NAV2: variants seen among roughly 807,000 people sequenced by gnomAD.
NAV2 encodes the protein neuron navigator 2.
A neutral mutation model predicts 223.2 loss-of-function variants in NAV2; 54 were observed. That is an observed-to-expected ratio of 0.24 (90% CI 0.19 to 0.30). The LOEUF (loss-of-function observed/expected upper bound fraction) is 0.30, where lower values mean the gene tolerates loss of function less well. Among genes scored for constraint, NAV2 ranks in the 10% least tolerant of loss-of-function variants. NAV2 has a pLI of 1.00. For missense variants in NAV2, 2,806 were observed against 3,147.5 expected (o/e 0.89, Z 2.60); for synonymous variants, 1,279 against 1,239.3 (o/e 1.03, Z -0.67).
At chr11:19,554,730 GC>G (rs2044810722) in intron 1 of NAV2, among the ~76,000 whole-genome samples, 1 of 152,134 alleles carries the variant, frequency 6.6e-6, no homozygotes, top group Non-Finnish European at 1.5e-5. Flanking sequence ...ACTTTGGGAG[GC>G]CGAGGCGGGC....
chr11:19,990,946 G>T (rs1035267022), intron 11 of NAV2, among the ~76,000 whole-genome samples: 3 of 152,048 alleles, frequency 2.0e-5, no homozygotes, highest in African/African-American at 7.2e-5. Flanking sequence ...GAGTTTTGCT[G>T]TAAACATGCC....
At chr11:19,551,989 C>A (rs1399369401) in intron 1 of NAV2, among the ~76,000 whole-genome samples, 1 of 151,998 alleles carries the variant, frequency 6.6e-6, no homozygotes, top group Non-Finnish European at 1.5e-5. Flanking sequence ...GGTCTTGGGG[C>A]TTCTGAGGCC....
chr11:19,605,269 C>G lies in NAV2; in HGVS notation c.76-227215C>G, dbSNP rs78123841. Reference sequence around the variant, plus strand: ...TCTGATGTGCCTCCATCCAGCTGCCCCTTCAACCCTCAAACTCATCTAGAT... The same window carrying G: ...TCTGATGTGCCTCCATCCAGCTGCCGCTTCAACCCTCAAACTCATCTAGAT... On this transcript the variant is annotated intron_variant, in intron 1 of 37. Transcript: ENST00000360655. Among the ~76,000 whole-genome samples the G allele has an allele frequency of 3.4e-3, 524 of 152,154 alleles. 2 individuals carry two copies. Among genetic ancestry groups the G allele is most frequent in the African/African-American group, 0.012 (504 of 41,512 alleles).
chr11:20,084,770 C>G (rs2060313462), intron 26 of NAV2, among the ~76,000 whole-genome samples: 1 of 152,194 alleles, frequency 6.6e-6, no homozygotes, highest in Non-Finnish European at 1.5e-5. Context: ...AGCATCCCAA[C>G]TCAGTTGTCT....
At chr11:19,524,413 T>A (rs1196465410) in intron 1 of NAV2, among the ~76,000 whole-genome samples, 1 of 152,248 alleles carries the variant, frequency 6.6e-6, no homozygotes, top group Non-Finnish European at 1.5e-5. Context: ...GTGCGTTTCG[T>A]GCCTCCAGTT....
At chr11:20,019,181 G>A (rs545455814) in intron 11 of NAV2, among the ~76,000 whole-genome samples, 26 of 152,264 alleles carry the variant, frequency 1.7e-4, no homozygotes, top group African/African-American at 6.3e-4. Context: ...AAGGCTGAGC[G>A]ACCCGGGAGG....
intron 10 of NAV2, among the ~76,000 whole-genome samples, chr11:19,977,986 G>T (rs201385231): frequency 6.9e-6 from 1 of 144,348 alleles, no homozygotes; most frequent in Non-Finnish European, 1.5e-5. Flanking sequence ...GTTTTTTTTT[G>T]TTTTTTTTGG....
At chr11:19,453,184 G>A (rs1441828683) in intron 1 of NAV2, among the ~76,000 whole-genome samples, 1 of 152,214 alleles carries the variant, frequency 6.6e-6, no homozygotes, top group African/African-American at 2.4e-5. Flanking sequence ...TTAGACAGCA[G>A]ACACCTCGTG....
intron 1 of NAV2, among the ~76,000 whole-genome samples, chr11:19,565,302 C>A (rs984665517): frequency 2.6e-5 from 4 of 152,354 alleles, no homozygotes; most frequent in Admixed American, 2.0e-4. Flanking sequence ...CTCCGCACTG[C>A]CTCGAAACCC....
chr11:19,587,081 AC>A (rs1728052607), intron 1 of NAV2, among the ~76,000 whole-genome samples: 1 of 152,066 alleles, frequency 6.6e-6, no homozygotes, highest in Non-Finnish European at 1.5e-5. Context: ...GCAATGGTGG[AC>A]ACCCCTCCCC....
At chr11:19,930,290 A>G (rs1360522257) in intron 6 of NAV2, among the ~76,000 whole-genome samples, 1 of 152,172 alleles carries the variant, frequency 6.6e-6, no homozygotes, top group African/African-American at 2.4e-5. Flanking sequence ...TTAGTTGGTT[A>G]ATTTCTAGCT....
At chr11:19,900,341 C>T (rs2153186087) in intron 6 of NAV2, among the ~76,000 whole-genome samples, 1 of 132,820 alleles carries the variant, frequency 7.5e-6, no homozygotes, top group African/African-American at 2.5e-5. Flanking sequence ...GTTTTGGGGC[C>T]TTGCAATCAA....
intron 1 of NAV2, among the ~76,000 whole-genome samples, chr11:19,512,524 C>T (rs1056362736): frequency 1.3e-5 from 2 of 152,256 alleles, no homozygotes; most frequent in Non-Finnish European, 2.9e-5. Context: ...GGTCCCATCC[C>T]CTGCTGGTAG....
chr11:20,097,587 T>C lies in NAV2; in HGVS notation c.6023T>C (p.Ile2008Thr), dbSNP rs971873805. ...TTTTATTTTTTCCAGGAATACATCA[T>C]TCATGTCGACCCAGTGAGTCAGCTA... ...VVRRLFKEYI[I>T]HVDPVSQLGL... Residue 2008 changes from isoleucine to threonine, a missense_variant, in exon 31 of 38, where the codon ATT becomes ACT. Coordinates refer to ENST00000349880, the MANE Select transcript of NAV2 (RefSeq NM_145117.5). 1.9e-6 allele frequency: 3 copies of C among 1,592,426 alleles called. No homozygotes were observed. The highest frequency in any genetic ancestry group is 2.6e-6 in the Non-Finnish European group (3 of 1,173,244).
At chr11:19,475,979 C>T (rs1047993689) in intron 1 of NAV2, among the ~76,000 whole-genome samples, 5 of 152,100 alleles carry the variant, frequency 3.3e-5, no homozygotes, top group Admixed American at 2.6e-4. Flanking sequence ...AAGAGCATGC[C>T]ATTCTTTTTT....
At chr11:20,064,432 C>T (rs188907216) in intron 20 of NAV2, among the ~76,000 whole-genome samples, 14 of 152,264 alleles carry the variant, frequency 9.2e-5, no homozygotes, top group Admixed American at 9.2e-4. Context: ...AGTGCCCAGC[C>T]CCGTGTTTTC....
intron 1 of NAV2, among the ~76,000 whole-genome samples, chr11:19,585,874 C>T (rs1002224126): frequency 1.8e-4 from 27 of 152,114 alleles, no homozygotes; most frequent in Non-Finnish European, 2.9e-4. Flanking sequence ...TTGTTCTTCT[C>T]GAGGAGTATG....
At chr11:19,439,839 G>A (rs1458110257) in intron 1 of NAV2, among the ~76,000 whole-genome samples, 2 of 152,192 alleles carry the variant, frequency 1.3e-5, no homozygotes, top group East Asian at 1.9e-4. Context: ...TGCGCTGAGC[G>A]TGATTTAATC....
At chr11:19,976,832 A>T (rs2625294) in intron 10 of NAV2, among the ~76,000 whole-genome samples, 150,922 of 152,336 alleles carry the variant, frequency 0.99, 74,775 homozygotes, top group East Asian at 1. Flanking sequence ...GCAGCAGTGC[A>T]GTCTATATGC....
Sources: allele counts gnomAD v4.1 joint callset (sites outside exome capture counted in the v4.1 genomes callset), GRCh38; gene constraint gnomAD v4.1.1; transcripts MANE v1.5; gene names NCBI Gene and HGNC (gene_info 2026-07-23, HGNC 2026-07-21).